Variants in INTS1 observed in about 807,000 individuals in gnomAD.
INTS1 encodes integrator complex subunit 1.
INTS1 carries 137 observed loss-of-function variants against 241.6 expected under a neutral mutation model. The observed-to-expected ratio is 0.57, with a 90% CI of 0.49 to 0.65. The LOEUF (loss-of-function observed/expected upper bound fraction) is 0.65, where lower values mean the gene tolerates loss of function less well. Ranked by LOEUF, INTS1 falls within the 30% of genes least tolerant of loss-of-function variation. The pLI is 0.00. For missense variants in INTS1, 3,073 were observed against 3,032.2 expected (o/e 1.01, Z -0.32); for synonymous variants, 1,692 against 1,337.8 (o/e 1.26, Z -5.78).
chr7:1,476,214 G>T lies in INTS1; in HGVS notation c.5378+15C>A. The T allele has an allele frequency of 2.6e-6, 4 of 1,542,410 alleles. No individual in the cohort carries two copies. The highest frequency in any genetic ancestry group is 3.5e-6 in the Non-Finnish European group (4 of 1,144,142). On this transcript the variant is annotated intron_variant, in intron 38 of 47. Transcript: ENST00000404767. Reference sequence around the variant, plus strand: ...TCACTCCCAGGCAGCATCTGGGGCCGGGGGGCCTGAGCACCTGTCTCCCCA... The same window carrying T: ...TCACTCCCAGGCAGCATCTGGGGCCTGGGGGCCTGAGCACCTGTCTCCCCA...
Position 1,474,328 on chromosome 7 carries a change from C to T in INTS1, c.5669G>A (p.Gly1890Asp). 1 of 1,605,838 alleles carries T rather than the reference C, an allele frequency of 6.2e-7. No homozygotes were observed. ...HLPMIAALLH[G>D]RTHLNFQEFR... The stretch of plus-strand genomic sequence containing the variant: ...CTCCTGGAAGTTGAGGTGGGTGCGG[C>T]CGTGCAGGAGCGCCGCGATCATGGG... The change falls in exon 41 of 48, where the codon GGC (glycine) becomes GAC (aspartate). Residue 1890 changes from glycine (G) to aspartate (D), a missense_variant. Physicochemically the swap from Gly to Asp is moderately conservative, Grantham distance 94. Coordinates refer to ENST00000404767, the MANE Select transcript of INTS1 (RefSeq NM_001080453.3).
At position 1,486,892 on chromosome 7, in the gene INTS1, C is replaced by CG. The variant is rs777228074; in HGVS notation, c.2826+29dup. On this transcript the variant is annotated intron_variant, in intron 21 of 47. Coordinates refer to ENST00000404767, the MANE Select transcript of INTS1 (RefSeq NM_001080453.3). ...CCTGACAGGGGTGCGGGGTGAGAGGCGGGGGGGCTGAGGGGTGGGCGGCCC... is the reference window on the plus strand; with the variant it reads ...CCTGACAGGGGTGCGGGGTGAGAGGCGGGGGGGGCTGAGGGGTGGGCGGCCC... 931 of 722,960 alleles carry CG rather than the reference C, an allele frequency of 1.3e-3. 4 individuals carry two copies. The highest frequency in any genetic ancestry group is 6.9e-3 in the Middle Eastern group (22 of 3,174). The allele number at this position is 722,960 out of a possible 1,614,324, so 44.8% of individuals were successfully genotyped here. A position where few individuals can be genotyped will look rare whatever the true frequency, so the allele number is the denominator to read the frequency against.
At chr7:1,498,235 C>T in intron 10 of INTS1, 177 bp downstream of exon 10, 1 of 935,716 alleles carries the variant, frequency 1.1e-6, no homozygotes, top group Middle Eastern at 3.4e-4. Context: ...GCTGCACCCA[C>T]TCTAGAAACG....
At position 1,483,803 on chromosome 7, in the gene INTS1, G is replaced by C; in HGVS notation, c.3480C>G (p.Ala1160=). 1 of 1,612,554 alleles carries C rather than the reference G, an allele frequency of 6.2e-7. No individual in the cohort carries two copies. Among genetic ancestry groups the C allele is most frequent in the Non-Finnish European group, 8.5e-7 (1 of 1,179,680 alleles). ...CATGGACCACGAGGATGTGCATGGT[G>C]GCTGTCTCCCCGCTGCTCCAGCGTA... ...VFLRWSSGET[A]TMHILVVHAM... The change falls in exon 26 of 48, where the codon GCC becomes GCG. Residue 1160 remains alanine (A), a synonymous_variant. Coordinates refer to ENST00000404767, the MANE Select transcript of INTS1 (RefSeq NM_001080453.3).
Position 1,472,358 on chromosome 7 carries a change from C to G in INTS1, c.6099G>C (p.Leu2033=). The G allele has an allele frequency of 6.4e-7, 1 of 1,569,496 alleles. No homozygotes were observed. Among genetic ancestry groups the G allele is most frequent in the Non-Finnish European group, 8.6e-7 (1 of 1,157,476 alleles). ...GAGGGGTGAACAGGGAGACGCTGAC[C>G]AGGGGCAAGGAGCCGGCTGAGCTCT... ...EEESSAGSLP[L]VSVSLFTPLT... Residue 2033 remains leucine (L), a synonymous_variant, in exon 44 of 48, where the codon CTG becomes CTC. Coordinates refer to ENST00000404767, the MANE Select transcript of INTS1 (RefSeq NM_001080453.3).
Position 1,477,919 on chromosome 7 carries a change from C to G in INTS1, c.4648G>C (p.Glu1550Gln), listed in dbSNP as rs758481545. Residue 1550 changes from glutamate (E) to glutamine (Q), a missense_variant, in exon 34 of 48, where the codon GAG (glutamate) becomes CAG (glutamine). Physicochemically the swap from Glu to Gln is conservative, Grantham distance 29 (BLOSUM62 2). Coordinates refer to ENST00000404767, the MANE Select transcript of INTS1 (RefSeq NM_001080453.3). The part of the protein sequence containing the change: ...LISKVLQGLI[E>Q]VRSPHLEELL... ...TCCTCCAGGTGGGGGGACCTCACCT[C>G]GATCAGCCCCTGGAGGACTGCGCAA... The G allele has an allele frequency of 2.5e-6, 4 of 1,612,486 alleles. No homozygotes were observed. Among genetic ancestry groups the G allele is most frequent in the Non-Finnish European group, 3.4e-6 (4 of 1,179,740 alleles).
Position 1,470,556 on chromosome 7 carries a change from G to A in INTS1, c.*21C>T, listed in dbSNP as rs781446645. 6.6e-7 allele frequency: 1 copy of A among 1,512,160 alleles called. No individual in the cohort carries two copies. Among genetic ancestry groups the A allele is most frequent in the Admixed American group, 2.0e-5 (1 of 49,294 alleles). 93.7% of individuals were successfully genotyped at this position (1,512,160 alleles called of 1,614,324 possible). A position where few individuals can be genotyped will look rare whatever the true frequency, so the allele number is the denominator to read the frequency against. On this transcript the variant is annotated 3_prime_UTR_variant, in exon 48 of 48. Transcript: ENST00000404767. ...GGGACGGGACGGGCCGGGGCTTGGA[G>A]GGGGGTCGGCTGCCACAGGCTCACA...
rs1269588470 is a variant in INTS1, at chr7:1,473,808, C to T, written c.5830-115G>A. Reference sequence around the variant, plus strand: ...CATGGACCCCACAGCCAACGAGCCCCCTCTGCCAACCACTGGGGCGTCACA... The same window carrying T: ...CATGGACCCCACAGCCAACGAGCCCTCTCTGCCAACCACTGGGGCGTCACA... On this transcript the variant is annotated intron_variant, in intron 41 of 47. Transcript: ENST00000404767. 3.1e-6 allele frequency: 4 copies of T among 1,308,696 alleles called. No individual in the cohort carries two copies. The African/African-American group carries it at 5.8e-5, about 19-fold the overall frequency. 81.1% of individuals were successfully genotyped at this position (1,308,696 alleles called of 1,614,324 possible).
chr7:1,484,215 G>A, intron 24 of INTS1, 45 bp from the exon 25 acceptor site: 1 of 1,571,290 alleles, frequency 6.4e-7, no homozygotes, highest in Non-Finnish European at 8.7e-7. Flanking sequence ...AGACAGCTCT[G>A]CTCTCCGGCC....
At chr7:1,477,528 G>A (rs749030491) in intron 35 of INTS1, 22 bp downstream of exon 35, 3 of 1,491,202 alleles carry the variant, frequency 2.0e-6, no homozygotes, top group Middle Eastern at 2.4e-4. Context: ...GGGTCCCCGT[G>A]CTGAAGCTGG....
chr7:1,476,838 C>T lies in INTS1; in HGVS notation c.5019G>A (p.Leu1673=). Residue 1673 remains leucine (L), a synonymous_variant, in exon 36 of 48, where the codon CTG becomes CTA. Transcript: ENST00000404767. ...LFTHQSSWPT[L]HQCIRVLLGK... is the part of the protein sequence containing the mutation. ...CCAGCAGGACTCGGATGCACTGGTG[C>T]AGTGTGGGCCAGCTGGACTGATGCG... is the stretch of plus-strand genomic sequence containing the variant. 1 of 1,612,960 alleles carries T rather than the reference C, an allele frequency of 6.2e-7. No individual in the cohort carries two copies. Among genetic ancestry groups the T allele is most frequent in the African/African-American group, 1.3e-5 (1 of 75,048 alleles).
chr7:1,503,834 C>G (rs912719432), intron 2 of INTS1, 69 bp downstream of exon 2: 10 of 1,223,024 alleles, frequency 8.2e-6, no homozygotes, highest in Admixed American at 4.4e-5. Flanking sequence ...TCCGCGGCAG[C>G]TGAGATCCCC....
chr7:1,494,926 T>C (rs1339390457), intron 13 of INTS1, 33 bp from the exon 14 acceptor site: 2 of 1,549,206 alleles, frequency 1.3e-6, no homozygotes, highest in Non-Finnish European at 1.7e-6. Flanking sequence ...TCAGTCATGA[T>C]GTGGGTGCTC....
chr7:1,474,984 C>T lies in INTS1; in HGVS notation c.5503-146G>A, dbSNP rs1033955067. On this transcript the variant is annotated intron_variant, in intron 39 of 47. Transcript: ENST00000404767. ...TGGCTCCTTACGGCTTCCATGAGCA[C>T]CTCGGGAGGGCAGGCAGGCCACAGC... The T allele has an allele frequency of 8.3e-6, 9 of 1,085,402 alleles. No individual in the cohort carries two copies. The African/African-American group carries it at 1.1e-4, about 13-fold the overall frequency. The allele number at this position is 1,085,402 out of a possible 1,614,324, so 67.2% of individuals were successfully genotyped here. A position where few individuals can be genotyped will look rare whatever the true frequency, so the allele number is the denominator to read the frequency against.
In INTS1 at chr7:1,483,594, C is replaced by T. The variant is rs530684464; in HGVS notation, c.3541+148G>A. The T allele has an allele frequency of 5.8e-5, 41 of 704,726 alleles. No individual in the cohort carries two copies. In the African/African-American group the frequency reaches 6.6e-4, roughly 11 times the overall value. The allele number at this position is 704,726 out of a possible 1,614,324, so 43.7% of individuals were successfully genotyped here. On this transcript the variant is annotated intron_variant, in intron 26 of 47. Transcript: ENST00000404767. ...CACGCGGGACGGACTGCAGCCTCCTCTTTAGGAGAGAAGCCAGGACACAGG... is the reference window on the plus strand; with the variant it reads ...CACGCGGGACGGACTGCAGCCTCCTTTTTAGGAGAGAAGCCAGGACACAGG...
In INTS1 at chr7:1,477,044, CG is replaced by C; in HGVS notation, c.4939-127del. Reference sequence around the variant, plus strand: ...AGGCTTGGGGTGCTGCCGGTAACACCGGCCCCGTCATGGTGCTGGAGGGCCG... The same window carrying C: ...AGGCTTGGGGTGCTGCCGGTAACACCGCCCCGTCATGGTGCTGGAGGGCCG... On this transcript the variant is annotated intron_variant, in intron 35 of 47. Transcript: ENST00000404767. 6 of 1,220,762 alleles carry C rather than the reference CG, an allele frequency of 4.9e-6. No homozygotes were observed. In the South Asian group the frequency reaches 8.9e-5, roughly 18 times the overall value. The allele number at this position is 1,220,762 out of a possible 1,614,324, so 75.6% of individuals were successfully genotyped here.
rs2128544600 is a variant in INTS1, at chr7:1,499,474, T to C, written c.843A>G (p.Ala281=). 6.7e-7 allele frequency: 1 copy of C among 1,483,302 alleles called. No homozygotes were observed. Among genetic ancestry groups the C allele is most frequent in the Non-Finnish European group, 9.0e-7 (1 of 1,106,708 alleles). 91.9% of individuals were successfully genotyped at this position (1,483,302 alleles called of 1,614,324 possible). Residue 281 remains alanine (A), a splice_region_variant and synonymous_variant, in exon 6 of 48, where the codon GCA becomes GCG. Coordinates refer to ENST00000404767, the MANE Select transcript of INTS1 (RefSeq NM_001080453.3). ...TCTCTGGCTGGCCGTGTGTCTCACC[T>C]GCACCCAGGTCGCCCGCAACGCGGC... The part of the protein sequence containing the change: ...EAGRVAGDLG[A]GSSPHPSLTE...
Position 1,503,887 on chromosome 7 carries a change from G to C in INTS1, c.58+16C>G. On this transcript the variant is annotated intron_variant, in intron 2 of 47. Transcript: ENST00000404767. ...CCCAAAGACCCCCGGGCTGCAGAGCGAGGAGGGAGACGCACCTGAGGGTTT... is the reference window on the plus strand; with the variant it reads ...CCCAAAGACCCCCGGGCTGCAGAGCCAGGAGGGAGACGCACCTGAGGGTTT... 2 of 1,557,082 alleles carry C rather than the reference G, an allele frequency of 1.3e-6. No homozygotes were observed. Among genetic ancestry groups the C allele is most frequent in the Non-Finnish European group, 1.7e-6 (2 of 1,150,698 alleles).
chr7:1,490,610 C>T (rs985421714), intron 16 of INTS1, among the ~76,000 whole-genome samples: 2 of 152,248 alleles, frequency 1.3e-5, no homozygotes, highest in Admixed American at 6.5e-5. Flanking sequence ...CCCACGTGCA[C>T]GGATCGCAGG....
Sources: allele counts gnomAD v4.1 joint callset (sites outside exome capture counted in the v4.1 genomes callset), GRCh38; gene constraint gnomAD v4.1.1; transcripts MANE v1.5; gene names NCBI Gene and HGNC (gene_info 2026-07-23, HGNC 2026-07-21).